The following RABL3 variants were observed in gnomAD, a reference collection of about 807,000 sequenced individuals.
RABL3 encodes rab-like protein 3.
RABL3 carries 31 observed loss-of-function variants against 31.8 expected under a neutral mutation model. That is an observed-to-expected ratio of 0.97 (90% CI 0.73 to 1.31). The LOEUF is 1.31. RABL3 is among the 40% of genes most tolerant of loss of function. The pLI is 0.00. For synonymous variants in RABL3, 97 were observed against 99.9 expected, an observed-to-expected ratio of 0.97 and a Z score of 0.18; for missense variants, 263 against 279.6, an observed-to-expected ratio of 0.94 and a Z score of 0.42.
intron 4 of RABL3, among the ~76,000 whole-genome samples, chr3:120,702,560 C>CTTT (rs977105954): frequency 1.4e-5 from 2 of 140,946 alleles, no homozygotes; most frequent in African/African-American, 2.6e-5. Flanking sequence ...GGAAATTTTT[C>CTTT]TTTTTTTTTT....
intron 1 of RABL3, among the ~76,000 whole-genome samples, chr3:120,740,810 A>G (rs1055388499): frequency 3.9e-5 from 6 of 152,238 alleles, no homozygotes; most frequent in African/African-American, 9.6e-5. Flanking sequence ...GACAACATCA[A>G]TCACTTTCCT....
intron 2 of RABL3, among the ~76,000 whole-genome samples, chr3:120,727,964 C>G (rs1463842957): frequency 1.3e-5 from 2 of 152,120 alleles, no homozygotes; most frequent in African/African-American, 2.4e-5. Flanking sequence ...AAAAAATCCT[C>G]CAGCAAATAC....
At chr3:120,713,466 T>C (rs1427964928) in intron 2 of RABL3, among the ~76,000 whole-genome samples, 1 of 152,244 alleles carries the variant, frequency 6.6e-6, no homozygotes, top group Non-Finnish European at 1.5e-5. Flanking sequence ...AGTATTGCTC[T>C]TGACACAGTA....
Position 120,709,827 on chromosome 3 carries a change from GCACTGCC to G in RABL3, c.214_220del (p.Gly72ProfsTer4). 2 of 1,612,272 alleles carry G rather than the reference GCACTGCC, an allele frequency of 1.2e-6. No homozygotes were observed. The highest frequency in any genetic ancestry group is 1.7e-6 in the Non-Finnish European group (2 of 1,178,572). On this transcript the variant is annotated frameshift_variant, in exon 3 of 8. Coordinates refer to ENST00000273375, the MANE Select transcript of RABL3 (RefSeq NM_173825.5). LOFTEE classifies it high-confidence loss of function. ...TGCTCTTGTGCTTTTCACGCTGCTG[GCACTGCC>G]CACAGAGCCTCCAACATCCCATAAT... is the stretch of plus-strand genomic sequence containing the variant.
chr3:120,724,724 T>C (rs1708795793), intron 2 of RABL3, among the ~76,000 whole-genome samples: 1 of 152,160 alleles, frequency 6.6e-6, no homozygotes, highest in African/African-American at 2.4e-5. Flanking sequence ...TAATAAATGG[T>C]GCTGGGAAAA....
chr3:120,691,945 C>T (rs928924055), intron 6 of RABL3, among the ~76,000 whole-genome samples: 6 of 152,184 alleles, frequency 3.9e-5, no homozygotes, highest in Admixed American at 1.3e-4. Context: ...TTCTTGCTGT[C>T]TTGGAGACTA....
chr3:120,733,275 C>T lies in RABL3; in HGVS notation c.47-2488G>A, dbSNP rs530911545. ...CCATTCTAACTGGAGTGAAATGGTACCTCATTGTGGTTTTGATTTGCATTT... is the reference window on the plus strand; with the variant it reads ...CCATTCTAACTGGAGTGAAATGGTATCTCATTGTGGTTTTGATTTGCATTT... On this transcript the variant is annotated intron_variant, in intron 1 of 7. Coordinates refer to ENST00000273375, the MANE Select transcript of RABL3 (RefSeq NM_173825.5). Among the ~76,000 whole-genome samples, 15 of 152,148 alleles carry T rather than the reference C, an allele frequency of 9.9e-5. No individual in the cohort carries two copies. The East Asian group carries it at 2.9e-3, about 29-fold the overall frequency.
chr3:120,696,250 C>T (rs2107576108), intron 5 of RABL3, among the ~76,000 whole-genome samples: 2 of 152,244 alleles, frequency 1.3e-5, no homozygotes, highest in South Asian at 2.1e-4. Flanking sequence ...TCTTACTTTT[C>T]TACAGTTTTA....
intron 2 of RABL3, among the ~76,000 whole-genome samples, chr3:120,713,284 T>A (rs1708632103): frequency 6.6e-6 from 1 of 152,214 alleles, no homozygotes; most frequent in Admixed American, 6.5e-5. Context: ...CCTTTTAAAA[T>A]CAGAAGATAA....
At chr3:120,742,363 G>C (rs565887152) in intron 1 of RABL3, 99 bp downstream of exon 1, 91 of 1,146,648 alleles carry the variant, frequency 7.9e-5, no homozygotes, top group African/African-American at 2.3e-4. Flanking sequence ...CTTCAGCCAC[G>C]GGCCGAGGAG....
At chr3:120,736,304 T>A (rs1708962541) in intron 1 of RABL3, among the ~76,000 whole-genome samples, 2 of 152,192 alleles carry the variant, frequency 1.3e-5, no homozygotes, top group South Asian at 4.1e-4. Flanking sequence ...TGTAATGGCC[T>A]TCTTTGTCTC....
chr3:120,713,760 T>G (rs1054000454), intron 2 of RABL3, among the ~76,000 whole-genome samples: 1 of 152,078 alleles, frequency 6.6e-6, no homozygotes, highest in African/African-American at 2.4e-5. Context: ...TCAAGACCTA[T>G]GTACATAAGG....
At chr3:120,699,587 C>G (rs146199001) in intron 4 of RABL3, among the ~76,000 whole-genome samples, 71 of 152,260 alleles carry the variant, frequency 4.7e-4, no homozygotes, top group Non-Finnish European at 8.2e-4. Flanking sequence ...ATTGCATAAT[C>G]CAATCACTAC....
At position 120,742,444 on chromosome 3, in the gene RABL3, G is replaced by A. The variant is rs535661704; in HGVS notation, c.46+18C>T. 25 of 1,613,350 alleles carry A rather than the reference G, an allele frequency of 1.5e-5. No homozygotes were observed. The highest frequency in any genetic ancestry group is 2.0e-5 in the Non-Finnish European group (24 of 1,179,386). ...CTCAAAAGTGTCTGGAGCCCCAGAG[G>A]TAGGGTAAGCCGCTCACCTGAGTCT... On this transcript the variant is annotated intron_variant, in intron 1 of 7. Coordinates refer to ENST00000273375, the MANE Select transcript of RABL3 (RefSeq NM_173825.5).
rs114666170 is a variant in RABL3, at chr3:120,715,901, C to T, written c.139-5992G>A. Among the ~76,000 whole-genome samples, 688 of 152,208 alleles carry T rather than the reference C, an allele frequency of 4.5e-3. 6 individuals carry two copies. Among genetic ancestry groups the T allele is most frequent in the African/African-American group, 0.016 (647 of 41,508 alleles). On this transcript the variant is annotated intron_variant, in intron 2 of 7. Coordinates refer to ENST00000273375, the MANE Select transcript of RABL3 (RefSeq NM_173825.5). ...TGCCTCTGTGCTTCAATTGCTTCCACGCTAAATGAATAGGGGCACTAACAG... is the reference window on the plus strand; with the variant it reads ...TGCCTCTGTGCTTCAATTGCTTCCATGCTAAATGAATAGGGGCACTAACAG...
At chr3:120,740,251 C>G (rs1192051291) in intron 1 of RABL3, among the ~76,000 whole-genome samples, 1 of 152,110 alleles carries the variant, frequency 6.6e-6, no homozygotes, top group Admixed American at 6.6e-5. Flanking sequence ...CACCAAATAT[C>G]AACTTATTCT....
chr3:120,685,596 A>G lies in RABL3; in HGVS notation c.*4227T>C, dbSNP rs573791281. ...ACTTGTTTTGCCAACAGAAGACATG[A>G]CAATCATCTCATGTTTAATTTGGCA... On this transcript the variant is annotated 3_prime_UTR_variant, in exon 8 of 8. Transcript: ENST00000273375. 6.6e-6 allele frequency among the ~76,000 whole-genome samples: 1 copy of G among 152,332 alleles called. No individual in the cohort carries two copies. The highest frequency in any genetic ancestry group is 2.4e-5 in the African/African-American group (1 of 41,580).
In RABL3 at chr3:120,685,240, T is replaced by A. The variant is rs1708295757; in HGVS notation, c.*4583A>T. On this transcript the variant is annotated 3_prime_UTR_variant, in exon 8 of 8. Coordinates refer to ENST00000273375, the MANE Select transcript of RABL3 (RefSeq NM_173825.5). ...AGGGTGTGACAGGTCTACAGAGTAATCACTCCAAAACGGAGTTAGGCATCA... is the reference window on the plus strand; with the variant it reads ...AGGGTGTGACAGGTCTACAGAGTAAACACTCCAAAACGGAGTTAGGCATCA... 6.6e-6 allele frequency among the ~76,000 whole-genome samples: 1 copy of A among 152,218 alleles called. No individual in the cohort carries two copies. The highest frequency in any genetic ancestry group is 1.5e-5 in the Non-Finnish European group (1 of 68,040).
At chr3:120,706,251 G>T in intron 3 of RABL3, 137 bp from the exon 4 acceptor site, 1 of 579,462 alleles carries the variant, frequency 1.7e-6, no homozygotes, top group South Asian at 2.3e-5. Flanking sequence ...ACAACTCAGA[G>T]ACAATTATTT....
Sources: allele counts gnomAD v4.1 joint callset (sites outside exome capture counted in the v4.1 genomes callset), GRCh38; gene constraint gnomAD v4.1.1; transcripts MANE v1.5; gene names NCBI Gene and HGNC (gene_info 2026-07-23, HGNC 2026-07-21).